The following MUC17 variants were observed in gnomAD, a reference collection of about 807,000 sequenced individuals.
MUC17 encodes the protein mucin-17.
A neutral mutation model predicts 170.3 loss-of-function variants in MUC17; 190 were observed. The ratio of observed to expected loss-of-function variants is 1.12; its 90% CI spans 0.99 to 1.26. The LOEUF (loss-of-function observed/expected upper bound fraction) is 1.26. MUC17 is among the 50% of genes most tolerant of loss of function. The pLI, the probability that MUC17 is intolerant of heterozygous loss-of-function variation, is 0.00. For synonymous variants in MUC17, 2,325 were observed against 2,002.5 expected (o/e 1.16, Z -4.30); for missense variants, 6,415 against 5,530.0 (o/e 1.16, Z -5.08).
chr7:101,029,759 C>T (rs1292310000), intron 1 of MUC17, among the ~76,000 whole-genome samples: 2 of 151,912 alleles, frequency 1.3e-5, no homozygotes, highest in Admixed American at 1.3e-4. Flanking sequence ...CCGCCGCACC[C>T]GGCTAATTTT....
chr7:101,047,297 G>A (rs1584874510), intron 3 of MUC17, among the ~76,000 whole-genome samples: 1 of 152,116 alleles, frequency 6.6e-6, no homozygotes, highest in African/African-American at 2.4e-5. Flanking sequence ...AAGTTCACCC[G>A]GGTTCTCCCT....
intron 3 of MUC17, among the ~76,000 whole-genome samples, chr7:101,044,732 A>C (rs1385740742): frequency 6.6e-6 from 1 of 152,076 alleles, no homozygotes; most frequent in Non-Finnish European, 1.5e-5. Flanking sequence ...TAAACTTTTT[A>C]GTTTACTTTG....
Position 101,031,609 on chromosome 7 carries a change from G to A in MUC17, c.193G>A (p.Ala65Thr). 1 of 1,528,482 alleles carries A rather than the reference G, an allele frequency of 6.5e-7. No individual in the cohort carries two copies. Among genetic ancestry groups the A allele is most frequent in the Non-Finnish European group, 8.8e-7 (1 of 1,139,962 alleles). 94.7% of individuals were successfully genotyped at this position (1,528,482 alleles called of 1,614,324 possible). Residue 65 changes from alanine (A) to threonine (T), a missense_variant, in exon 3 of 13, where the codon GCA becomes ACA. Ala to Thr is a moderately conservative substitution (Grantham distance 58). Transcript: ENST00000306151. ...CATTGTATCTTAAACAGGTTCTGCG[G>A]CAAACACCGCCACAGGTACAACATC... ...LSQHVRTGSAANTATGTTSTN... is the reference protein window; with the variant it reads ...LSQHVRTGSATNTATGTTSTN...
rs766252031 is a variant in MUC17 at position 101,048,081 on chromosome 7, G to T, written c.12501G>T (p.Glu4167Asp). 1 of 1,604,840 alleles carries T rather than the reference G, an allele frequency of 6.2e-7. No individual in the cohort carries two copies. Among genetic ancestry groups the T allele is most frequent in the Non-Finnish European group, 8.5e-7 (1 of 1,176,126 alleles). ...KCQCPNLYYG[E>D]LCEEVVSSID... ...AGTGTCCCAACCTCTATTATGGGGA[G>T]TTGTGTGAGGAGGTGGTCAGCAGCA... is the stretch of plus-strand genomic sequence containing the variant. Residue 4167 changes from glutamate (E) to aspartate (D), a missense_variant, in exon 4 of 13, where the codon GAG (glutamate) becomes GAT (aspartate). Glu to Asp is a conservative substitution (Grantham distance 45, BLOSUM62 2). Transcript: ENST00000306151.
intron 7 of MUC17, 123 bp from the exon 8 acceptor site, chr7:101,051,490 G>A (rs921407430): frequency 2.3e-5 from 20 of 852,304 alleles, no homozygotes; most frequent in East Asian, 8.3e-5. Context: ...CCCCTCTGCC[G>A]GGGCCGGATT....
Position 101,039,944 on chromosome 7 carries a change from C to A in MUC17, c.8528C>A (p.Thr2843Asn), listed in dbSNP as rs570043043. The A allele has an allele frequency of 8.1e-6, 13 of 1,613,716 alleles. No individual in the cohort carries two copies. In the East Asian group the frequency reaches 1.6e-4, roughly 19 times the overall value. Residue 2843 changes from threonine (T) to asparagine (N), a missense_variant, in exon 3 of 13, where the codon ACT becomes AAT. Thr to Asn is a moderately conservative substitution (Grantham distance 65, BLOSUM62 0). Transcript: ENST00000306151. ...GTTGACACCAGCACACCTGTGACCACTTCTACTAAAGCCAGTTCATCTCCT... is the reference window on the plus strand; with the variant it reads ...GTTGACACCAGCACACCTGTGACCAATTCTACTAAAGCCAGTTCATCTCCT... ...TPVDTSTPVT[T>N]STKASSSPTT...
chr7:101,027,292 T>A (rs1190838654), intron 1 of MUC17, among the ~76,000 whole-genome samples: 1 of 152,158 alleles, frequency 6.6e-6, no homozygotes, highest in Non-Finnish European at 1.5e-5. Flanking sequence ...CCAGCCCTAA[T>A]TTTTATATTT....
Position 101,036,615 on chromosome 7 carries a change from T to C in MUC17, c.5199T>C (p.Thr1733=). Residue 1733 remains threonine (T), a synonymous_variant, in exon 3 of 13, where the codon ACT becomes ACC. Coordinates refer to ENST00000306151, the MANE Select transcript of MUC17 (RefSeq NM_001040105.2). Reference sequence around the variant, plus strand: ...CTGAAGCCCGTTCATCTCCTACAACTTCTGAAGGTACCAGCATGCCAAACT... The same window carrying C: ...CTGAAGCCCGTTCATCTCCTACAACCTCTGAAGGTACCAGCATGCCAAACT... ...TSTEARSSPT[T]SEGTSMPNST... 1 of 1,611,296 alleles carries C rather than the reference T, an allele frequency of 6.2e-7. No homozygotes were observed. Among genetic ancestry groups the C allele is most frequent in the Non-Finnish European group, 8.5e-7 (1 of 1,179,042 alleles).
chr7:101,056,347 C>A lies in MUC17; in HGVS notation c.13440+77C>A, dbSNP rs952156035. ...TCTTCTCCTTTCCTACATGGTAGGA[C>A]CTTCAGAAAAACAGAACCATGTTTA... On this transcript the variant is annotated intron_variant, in intron 12 of 12. Coordinates refer to ENST00000306151, the MANE Select transcript of MUC17 (RefSeq NM_001040105.2). 28 of 1,569,198 alleles carry A rather than the reference C, an allele frequency of 1.8e-5. No homozygotes were observed. In the East Asian group the frequency reaches 5.0e-4, roughly 28 times the overall value.
At chr7:101,022,024 G>A (rs974047769) in intron 1 of MUC17, among the ~76,000 whole-genome samples, 1 of 152,128 alleles carries the variant, frequency 6.6e-6, no homozygotes, top group African/African-American at 2.4e-5. Context: ...CCTACACCCA[G>A]CATGAGGGCC....
Position 101,036,255 on chromosome 7 carries a change from T to C in MUC17, c.4839T>C (p.Ser1613=). 6.2e-7 allele frequency: 1 copy of C among 1,614,004 alleles called. No individual in the cohort carries two copies. The highest frequency in any genetic ancestry group is 8.5e-7 in the Non-Finnish European group (1 of 1,179,996). ...CCGCTTCTACTGAAGCCAGTTCATC[T>C]ACAACCGCTGAAGGTAGCAGCATGA... ...QVTASTEASS[S]TTAEGSSMTI... Residue 1613 remains serine (S), a synonymous_variant, in exon 3 of 13, where the codon TCT becomes TCC. Coordinates refer to ENST00000306151, the MANE Select transcript of MUC17 (RefSeq NM_001040105.2).
At position 101,032,304 on chromosome 7, in the gene MUC17, A is replaced by C. The variant is rs1451478633; in HGVS notation, c.888A>C (p.Ser296=). 2.5e-6 allele frequency: 4 copies of C among 1,613,734 alleles called. No homozygotes were observed. The highest frequency in any genetic ancestry group is 3.4e-6 in the Non-Finnish European group (4 of 1,179,930). ...LVVSSEASTL[S]TTPAATNIPV... Reference sequence around the variant, plus strand: ...TCAGTTCTGAGGCTAGCACCCTTTCAACAACTCCTGCTGCCACCAACATTC... The same window carrying C: ...TCAGTTCTGAGGCTAGCACCCTTTCCACAACTCCTGCTGCCACCAACATTC... Residue 296 remains serine, a synonymous_variant, in exon 3 of 13, where the codon TCA becomes TCC. Transcript: ENST00000306151.
chr7:101,038,565 C>T lies in MUC17; in HGVS notation c.7149C>T (p.Asp2383=), dbSNP rs138267850. The change falls in exon 3 of 13, where the codon GAC becomes GAT. Residue 2383 remains aspartate, a synonymous_variant. Coordinates refer to ENST00000306151, the MANE Select transcript of MUC17 (RefSeq NM_001040105.2). The part of the protein sequence containing the change: ...SQAGSSPTTA[D]DTSMPTSTYS... ...CCGGTTCATCTCCTACAACTGCTGA[C>T]GATACTAGCATGCCAACCTCAACTT... 132 of 1,612,432 alleles carry T rather than the reference C, an allele frequency of 8.2e-5. No homozygotes were observed. The East Asian group carries it at 1.8e-3, about 22-fold the overall frequency.
Position 101,035,646 on chromosome 7 carries a change from T to C in MUC17, c.4230T>C (p.Ser1410=). The C allele has an allele frequency of 1.2e-6, 2 of 1,611,598 alleles. No individual in the cohort carries two copies. The highest frequency in any genetic ancestry group is 1.3e-5 in the African/African-American group (1 of 74,942). ...SIPVSTTPVV[S]SEASTLSATP... Reference sequence around the variant, plus strand: ...CTGTCAGCACCACGCCGGTAGTCAGTTCTGAGGCTAGCACCCTTTCAGCAA... The same window carrying C: ...CTGTCAGCACCACGCCGGTAGTCAGCTCTGAGGCTAGCACCCTTTCAGCAA... The change falls in exon 3 of 13, where the codon AGT becomes AGC. Residue 1410 remains serine (S), a synonymous_variant. Coordinates refer to ENST00000306151, the MANE Select transcript of MUC17 (RefSeq NM_001040105.2).
intron 5 of MUC17, 25 bp downstream of exon 5, chr7:101,048,997 A>G: frequency 6.2e-7 from 1 of 1,614,032 alleles, no homozygotes; most frequent in South Asian, 1.1e-5. Flanking sequence ...GCAAGGCCCC[A>G]TAGCTACTCA....
Position 101,032,093 on chromosome 7 carries a change from T to A in MUC17, c.677T>A (p.Met226Lys). 2 of 1,613,880 alleles carry A rather than the reference T, an allele frequency of 1.2e-6. No homozygotes were observed. The highest frequency in any genetic ancestry group is 1.7e-6 in the Non-Finnish European group (2 of 1,179,956). The part of the protein sequence containing the change: ...TPLTSMPAST[M>K]KVASSEAITL... ...TTAACAAGTATGCCTGCCAGCACCA[T>A]GAAGGTGGCCAGTTCAGAGGCTATC... Residue 226 changes from methionine (M) to lysine (K), a missense_variant, in exon 3 of 13, where the codon ATG (methionine) becomes AAG (lysine). By Grantham distance (95) the Met-to-Lys change is moderately conservative (BLOSUM62 -1). Coordinates refer to ENST00000306151, the MANE Select transcript of MUC17 (RefSeq NM_001040105.2).
intron 1 of MUC17, among the ~76,000 whole-genome samples, chr7:101,027,530 A>G (rs973065539): frequency 6.6e-6 from 1 of 152,206 alleles, no homozygotes; most frequent in Non-Finnish European, 1.5e-5. Context: ...GAAGTTGTTT[A>G]CAGATCTCCA....
chr7:101,031,729 G>A lies in MUC17; in HGVS notation c.313G>A (p.Val105Ile), dbSNP rs998440218. 6 of 1,608,044 alleles carry A rather than the reference G, an allele frequency of 3.7e-6. No individual in the cohort carries two copies. The Admixed American group carries it at 6.7e-5, about 18-fold the overall frequency. The change falls in exon 3 of 13, where the codon GTC becomes ATC. Residue 105 changes from valine to isoleucine, a missense_variant. By Grantham distance (29) the Val-to-Ile change is conservative (BLOSUM62 3). Transcript: ENST00000306151. ...CAGTGTGACTTCAGACACTCCTGGTGTCTCCAGTACCAGGATGACACCAAC... is the reference window on the plus strand; with the variant it reads ...CAGTGTGACTTCAGACACTCCTGGTATCTCCAGTACCAGGATGACACCAAC... ...ESSVTSDTPG[V>I]SSTRMTPTES... is the part of the protein sequence containing the mutation.
In MUC17 at chr7:101,035,359, G is replaced by T. The variant is rs771644691; in HGVS notation, c.3943G>T (p.Val1315Phe). 3.1e-6 allele frequency: 5 copies of T among 1,610,774 alleles called. No homozygotes were observed. The highest frequency in any genetic ancestry group is 2.5e-6 in the Non-Finnish European group (3 of 1,178,240). ...TKGPVVTSNE[V>F]SSSPTPAEGT... ...AGGTCCTGTGGTCACTTCTAATGAA[G>T]TCAGTTCATCTCCTACACCTGCTGA... is the stretch of plus-strand genomic sequence containing the variant. The change falls in exon 3 of 13, where the codon GTC (valine) becomes TTC (phenylalanine). Residue 1315 changes from valine (V) to phenylalanine (F), a missense_variant. By Grantham distance (50) the Val-to-Phe change is conservative. Coordinates refer to ENST00000306151, the MANE Select transcript of MUC17 (RefSeq NM_001040105.2).
Sources: allele counts gnomAD v4.1 joint callset (sites outside exome capture counted in the v4.1 genomes callset), GRCh38; gene constraint gnomAD v4.1.1; transcripts MANE v1.5; gene names NCBI Gene and HGNC (gene_info 2026-07-23, HGNC 2026-07-21).